Variants in ADGRL2 observed in about 807,000 individuals in gnomAD.
The protein encoded by ADGRL2 is calcium-independent alpha-latrotoxin receptor 2.
ADGRL2 carries 44 observed loss-of-function variants against 157.4 expected under a neutral mutation model. The observed-to-expected ratio is 0.28, with a 90% CI of 0.22 to 0.36. ADGRL2 has a LOEUF of 0.36. Among genes scored for constraint, ADGRL2 ranks in the 10% least tolerant of loss-of-function variants. The pLI is 1.00. For synonymous variants in ADGRL2, 585 were observed against 624.7 expected, an observed-to-expected ratio of 0.94 and a Z score of 0.95; for missense variants, 1,510 against 1,768.9, an observed-to-expected ratio of 0.85 and a Z score of 2.63.
At chr1:81,503,964 T>G (rs1467028354) in intron 2 of ADGRL2, among the ~76,000 whole-genome samples, 1 of 152,328 alleles carries the variant, frequency 6.6e-6, no homozygotes, top group African/African-American at 2.4e-5. Flanking sequence ...CTGAGCATGG[T>G]TGGTGCCCTT....
chr1:81,512,586 CTTAT>C (rs2079099519), intron 2 of ADGRL2, among the ~76,000 whole-genome samples: 1 of 152,086 alleles, frequency 6.6e-6, no homozygotes, highest in Non-Finnish European at 1.5e-5. Flanking sequence ...TGTCAGAAAT[CTTAT>C]TTGACTATTA....
At chr1:81,892,851 G>A (rs1054371713) in intron 2 of ADGRL2, among the ~76,000 whole-genome samples, 1 of 152,168 alleles carries the variant, frequency 6.6e-6, no homozygotes, top group African/African-American at 2.4e-5. Context: ...GGGAACACTA[G>A]TAGTCCAACC....
chr1:81,628,142 T>A (rs932312978), intron 3 of ADGRL2, among the ~76,000 whole-genome samples: 2 of 152,150 alleles, frequency 1.3e-5, no homozygotes, highest in African/African-American at 2.4e-5. Flanking sequence ...GTCATTGAGA[T>A]CTAAGCTTGA....
intron 16 of ADGRL2, among the ~76,000 whole-genome samples, chr1:81,971,328 T>A (rs538662142): frequency 6.6e-6 from 1 of 152,306 alleles, no homozygotes; most frequent in South Asian, 2.1e-4. Context: ...AGTTCTGTGC[T>A]TTGATATCCT....
chr1:81,570,634 C>G (rs1210051563), intron 2 of ADGRL2, among the ~76,000 whole-genome samples: 1 of 152,152 alleles, frequency 6.6e-6, no homozygotes, highest in Non-Finnish European at 1.5e-5. Flanking sequence ...GGTGATCTTC[C>G]TGCTTCGGCC....
intron 1 of ADGRL2, among the ~76,000 whole-genome samples, chr1:81,332,294 G>T (rs58540430): frequency 1.3e-5 from 2 of 151,714 alleles, no homozygotes; most frequent in African/African-American, 2.4e-5. Flanking sequence ...TTTTTTTTCT[G>T]ATAGACAACA....
chr1:81,481,780 G>A (rs986298061), intron 2 of ADGRL2, among the ~76,000 whole-genome samples: 2 of 152,118 alleles, frequency 1.3e-5, no homozygotes, highest in East Asian at 1.9e-4. Context: ...ACATCCTACT[G>A]CTTTGTAGCT....
At chr1:81,883,624 G>A (rs2094044945) in intron 2 of ADGRL2, among the ~76,000 whole-genome samples, 1 of 151,970 alleles carries the variant, frequency 6.6e-6, no homozygotes, top group African/African-American at 2.4e-5. Flanking sequence ...AGCTGCCCTG[G>A]GTTCTCTCCT....
intron 20 of ADGRL2, 45 bp from the exon 21 acceptor site, chr1:81,985,214 G>T (rs1272365599): frequency 2.6e-6 from 3 of 1,146,448 alleles, no homozygotes; most frequent in African/African-American, 3.1e-5. Context: ...GGTAAGTTTG[G>T]GGAAACTAAC....
intron 1 of ADGRL2, among the ~76,000 whole-genome samples, chr1:81,809,711 A>C (rs2089617511): frequency 6.6e-6 from 1 of 152,028 alleles, no homozygotes; most frequent in African/African-American, 2.4e-5. Context: ...ACATATGTAC[A>C]TACATAAACA....
chr1:81,812,298 T>C (rs989604453), intron 1 of ADGRL2, among the ~76,000 whole-genome samples: 3 of 151,786 alleles, frequency 2.0e-5, no homozygotes, highest in African/African-American at 7.2e-5. Flanking sequence ...ATTAAAATAT[T>C]TTTTATTTTT....
At position 81,461,685 on chromosome 1, in the gene ADGRL2, C is replaced by T. The variant is rs115791315; in HGVS notation, c.-248+16596C>T. Among the ~76,000 whole-genome samples the T allele has an allele frequency of 7.3e-3, 1,105 of 152,182 alleles. 5 individuals are homozygous for T. Among genetic ancestry groups the T allele is most frequent in the Non-Finnish European group, 0.012 (838 of 68,030 alleles). On this transcript the variant is annotated intron_variant, in intron 2 of 24. Coordinates refer to the ADGRL2 transcript ENST00000370721. ...ACTTCAGAGAGATAAAAAGAGGATA[C>T]AATGTTGTAAATATGTTGATACTTT...
At chr1:81,564,166 C>T (rs1409339574) in intron 2 of ADGRL2, among the ~76,000 whole-genome samples, 1 of 152,106 alleles carries the variant, frequency 6.6e-6, no homozygotes, top group Admixed American at 6.5e-5. Flanking sequence ...GTGGGAAGTG[C>T]GTTGTGTACA....
At chr1:81,655,118 C>A (rs2082502433) in intron 3 of ADGRL2, among the ~76,000 whole-genome samples, 1 of 152,180 alleles carries the variant, frequency 6.6e-6, no homozygotes, top group Non-Finnish European at 1.5e-5. Flanking sequence ...CTGGCCTCAA[C>A]CTTCCAAGTG....
intron 21 of ADGRL2, among the ~76,000 whole-genome samples, chr1:81,986,352 C>CT (rs1006883673): frequency 2.0e-5 from 3 of 151,844 alleles, no homozygotes; most frequent in Admixed American, 6.6e-5. Flanking sequence ...ATTTTATAGT[C>CT]TTTTTTTTCT....
At chr1:81,558,536 A>T (rs886288150) in intron 2 of ADGRL2, among the ~76,000 whole-genome samples, 1 of 152,050 alleles carries the variant, frequency 6.6e-6, no homozygotes. Flanking sequence ...TACATGGGAG[A>T]ATTTGAGTGC....
At chr1:81,968,443 G>T (rs1657775410) in intron 14 of ADGRL2, among the ~76,000 whole-genome samples, 1 of 152,178 alleles carries the variant, frequency 6.6e-6, no homozygotes, top group Non-Finnish European at 1.5e-5. Flanking sequence ...GCAGGTGCTT[G>T]GTAGAGACAA....
At chr1:81,492,015 A>G (rs2078643395) in intron 2 of ADGRL2, among the ~76,000 whole-genome samples, 1 of 152,198 alleles carries the variant, frequency 6.6e-6, no homozygotes, top group South Asian at 2.1e-4. Flanking sequence ...AGAGGCCCTC[A>G]TCTTCACCCT....
At chr1:81,386,356 G>C (rs1284444643) in intron 1 of ADGRL2, among the ~76,000 whole-genome samples, 1 of 152,054 alleles carries the variant, frequency 6.6e-6, no homozygotes, top group East Asian at 1.9e-4. Context: ...CAATTGAATT[G>C]GTTTTATTCG....
Sources: allele counts gnomAD v4.1 joint callset (sites outside exome capture counted in the v4.1 genomes callset), GRCh38; gene constraint gnomAD v4.1.1; transcripts MANE v1.5; gene names NCBI Gene and HGNC (gene_info 2026-07-23, HGNC 2026-07-21).